The following TIAM1 variants were observed in gnomAD, a reference collection of about 807,000 sequenced individuals.
TIAM1 encodes TIAM Rac1 associated GEF 1, also known as rho guanine nucleotide exchange factor TIAM1.
Under a neutral mutation model 163.5 loss-of-function variants are expected in TIAM1, and 65 were observed. The ratio of observed to expected loss-of-function variants is 0.40; its 90% CI spans 0.33 to 0.49. The LOEUF (loss-of-function observed/expected upper bound fraction) is 0.49. Among genes scored for constraint, TIAM1 ranks in the 20% least tolerant of loss-of-function variants. TIAM1 has a pLI of 0.77. For missense variants in TIAM1, 1,789 were observed against 2,044.7 expected (o/e 0.87, Z 2.41); for synonymous variants, 833 against 810.1 (o/e 1.03, Z -0.48).
chr21:31,486,404 C>T (rs146183843), intron 1 of TIAM1, among the ~76,000 whole-genome samples: 4 of 152,390 alleles, frequency 2.6e-5, no homozygotes, highest in South Asian at 2.1e-4. Flanking sequence ...CAGAAATGAG[C>T]GTCCCGCTGT....
At chr21:31,156,430 A>G (rs896693645) in intron 16 of TIAM1, among the ~76,000 whole-genome samples, 1 of 152,200 alleles carries the variant, frequency 6.6e-6, no homozygotes, top group Admixed American at 6.5e-5. Flanking sequence ...AAATTGACCA[A>G]AATGGGCTCA....
chr21:31,225,999 T>C (rs2146635600), intron 6 of TIAM1, 49 bp from the exon 7 acceptor site: 2 of 1,543,772 alleles, frequency 1.3e-6, no homozygotes, highest in African/African-American at 1.4e-5. Flanking sequence ...CTTAGGAACT[T>C]AAGAGAAATG....
At position 31,266,785 on chromosome 21, in the gene TIAM1, C is replaced by T; in HGVS notation, c.188G>A (p.Ser63Asn). ...EVSTRSSSTP[S>N]IPQSLAENGL... ...ATTTTCAGCCAGGGACTGGGGGATGCTGGGGGTGCTGCTGGATCGGGTGCT... is the reference window on the plus strand; with the variant it reads ...ATTTTCAGCCAGGGACTGGGGGATGTTGGGGGTGCTGCTGGATCGGGTGCT... The change falls in exon 4 of 28, where the codon AGC (serine) becomes AAC (asparagine). Residue 63 changes from serine (S) to asparagine (N), a missense_variant. Ser to Asn is a conservative substitution (Grantham distance 46). Coordinates refer to ENST00000541036, the MANE Select transcript of TIAM1 (RefSeq NM_001353694.2). The T allele has an allele frequency of 6.2e-7, 1 of 1,614,178 alleles. No individual in the cohort carries two copies. The highest frequency in any genetic ancestry group is 8.5e-7 in the Non-Finnish European group (1 of 1,180,020).
chr21:31,433,471 A>G (rs1397806929), intron 2 of TIAM1, among the ~76,000 whole-genome samples: 1 of 152,252 alleles, frequency 6.6e-6, no homozygotes, highest in African/African-American at 2.4e-5. Flanking sequence ...AATTAGATTT[A>G]TACTTCAACT....
intron 4 of TIAM1, among the ~76,000 whole-genome samples, chr21:31,256,588 T>TACAAAC (rs2072110637): frequency 7.8e-6 from 1 of 128,162 alleles, no homozygotes; most frequent in Non-Finnish European, 1.6e-5. Context: ...TACCCCTCAC[T>TACAAAC]ACACACACAC....
rs1009755021 is a variant in TIAM1, at chr21:31,165,849, C to T, written c.2888-784G>A. 6.6e-5 allele frequency among the ~76,000 whole-genome samples: 10 copies of T among 152,264 alleles called. No individual in the cohort carries two copies. In the East Asian group the frequency reaches 1.2e-3, roughly 18 times the overall value. ...ATCCATTACCTGAAAAATCCTGCAA[C>T]GTCTGTTTTTGCCATGTCTGGCAAA... is the stretch of plus-strand genomic sequence containing the variant. On this transcript the variant is annotated intron_variant, in intron 15 of 27. Transcript: ENST00000541036.
At chr21:31,274,691 A>T (rs908506379) in intron 3 of TIAM1, among the ~76,000 whole-genome samples, 5 of 152,204 alleles carry the variant, frequency 3.3e-5, no homozygotes, top group Non-Finnish European at 7.3e-5. Context: ...CCAAAAGGTG[A>T]TTCTACCACT....
intron 1 of TIAM1, among the ~76,000 whole-genome samples, chr21:31,523,139 G>A (rs2047662115): frequency 6.6e-6 from 1 of 152,072 alleles, no homozygotes; most frequent in Non-Finnish European, 1.5e-5. Context: ...TGCAAAGAGA[G>A]GTAAATCAAA....
At chr21:31,210,341 T>A (rs2086657615) in intron 10 of TIAM1, 126 bp from the exon 11 acceptor site, 3 of 983,618 alleles carry the variant, frequency 3.0e-6, no homozygotes, top group Non-Finnish European at 4.5e-6. Flanking sequence ...GAGGCAGTGG[T>A]GGGAGGCAGG....
intron 27 of TIAM1, 170 bp downstream of exon 27, chr21:31,124,352 C>G (rs908056662): frequency 1.1e-6 from 1 of 888,294 alleles, no homozygotes; most frequent in African/African-American, 1.7e-5. Context: ...CCAGGAGCCA[C>G]TGGGAAGGAG....
At chr21:31,460,088 A>C (rs2045267995) in intron 2 of TIAM1, among the ~76,000 whole-genome samples, 1 of 152,204 alleles carries the variant, frequency 6.6e-6, no homozygotes, top group Non-Finnish European at 1.5e-5. Context: ...AACAAGCCCC[A>C]GGTCAGTCTA....
intron 1 of TIAM1, among the ~76,000 whole-genome samples, chr21:31,539,329 G>A (rs1353089083): frequency 2.0e-5 from 3 of 149,458 alleles, no homozygotes; most frequent in African/African-American, 5.1e-5. Context: ...GCAGTGGCAC[G>A]ATCTCGGCTC....
intron 2 of TIAM1, among the ~76,000 whole-genome samples, chr21:31,462,484 C>T (rs888490811): frequency 6.6e-6 from 1 of 152,160 alleles, no homozygotes; most frequent in East Asian, 1.9e-4. Context: ...AAAACCAAGT[C>T]GAGAGATATT....
rs192445769 is a variant in TIAM1, at chr21:31,331,377, T to C, written c.-189+7866A>G. ...GGAGCTCACCACATCAAACACAGCC[T>C]GCAGGCCCATAGGCCCAACCAGCCA... On this transcript the variant is annotated intron_variant, in intron 2 of 27. Coordinates refer to ENST00000541036, the MANE Select transcript of TIAM1 (RefSeq NM_001353694.2). Among the ~76,000 whole-genome samples the C allele has an allele frequency of 7.4e-3, 1,129 of 152,318 alleles. 11 individuals are homozygous for C. The highest frequency in any genetic ancestry group is 0.026 in the African/African-American group (1,087 of 41,558).
Position 31,385,847 on chromosome 21 carries a change from TATA to T in TIAM1, c.-368-46428_-368-46426del, listed in dbSNP as rs754625198. Among the ~76,000 whole-genome samples the T allele has an allele frequency of 5.0e-4, 73 of 144,794 alleles. No individual in the cohort carries two copies. In the South Asian group the frequency reaches 5.6e-3, roughly 11 times the overall value. The allele number at this position is 144,794 out of a possible 152,430, so 95.0% of individuals were successfully genotyped here. On this transcript the variant is annotated intron_variant, in intron 2 of 28. Coordinates refer to the TIAM1 transcript ENST00000286827. ...ATGTTTAATATATTATATATTTATA[TATA>T]ATACATATTGATTATATATTAATTA...
intron 1 of TIAM1, among the ~76,000 whole-genome samples, chr21:31,544,509 T>C (rs1296544197): frequency 6.6e-6 from 1 of 151,914 alleles, no homozygotes; most frequent in Non-Finnish European, 1.5e-5. Context: ...GCGCCTGTAA[T>C]CCCAGCTACT....
intron 1 of TIAM1, among the ~76,000 whole-genome samples, chr21:31,502,962 AG>A (rs1010041995): frequency 3.9e-5 from 6 of 152,178 alleles, no homozygotes; most frequent in Non-Finnish European, 7.3e-5. Flanking sequence ...TCAAAAATAG[AG>A]GAAAAAAAAG....
At chr21:31,273,281 C>T (rs1447881778) in intron 3 of TIAM1, among the ~76,000 whole-genome samples, 1 of 152,160 alleles carries the variant, frequency 6.6e-6, no homozygotes, top group Non-Finnish European at 1.5e-5. Flanking sequence ...AGAATGGTCC[C>T]TGTAAGCCAG....
intron 1 of TIAM1, among the ~76,000 whole-genome samples, chr21:31,529,936 C>G (rs2047919922): frequency 6.6e-6 from 1 of 152,192 alleles, no homozygotes; most frequent in Middle Eastern, 3.2e-3. Flanking sequence ...ACAGCATTCT[C>G]TTGTTGCCAC....
Sources: allele counts gnomAD v4.1 joint callset (sites outside exome capture counted in the v4.1 genomes callset), GRCh38; gene constraint gnomAD v4.1.1; transcripts MANE v1.5; gene names NCBI Gene and HGNC (gene_info 2026-07-23, HGNC 2026-07-21).